Variants in JARID2 observed in about 807,000 individuals in gnomAD.
The protein encoded by JARID2 is protein Jumonji.
Under a neutral mutation model 125.6 loss-of-function variants are expected in JARID2, and 21 were observed. That is an observed-to-expected ratio of 0.17 (90% CI 0.12 to 0.24). The LOEUF is 0.24. JARID2 is among the 10% of genes least tolerant of loss of function. JARID2 has a pLI of 1.00. For missense variants in JARID2, 1,303 were observed against 1,639.6 expected (o/e 0.79, Z 3.55); for synonymous variants, 736 against 661.6 (o/e 1.11, Z -1.73).
intron 3 of JARID2, among the ~76,000 whole-genome samples, chr6:15,413,926 G>A (rs1235973932): frequency 3.3e-5 from 5 of 152,160 alleles, no homozygotes. Flanking sequence ...AACTTTGGGG[G>A]CCACATTCAG....
At position 15,501,319 on chromosome 6, in the gene JARID2, G is replaced by C; in HGVS notation, c.2358G>C (p.Arg786=). 6.2e-7 allele frequency: 1 copy of C among 1,609,508 alleles called. No individual in the cohort carries two copies. Among genetic ancestry groups the C allele is most frequent in the East Asian group, 2.2e-5 (1 of 44,792 alleles). The change falls in exon 8 of 18, where the codon CGG becomes CGC. Residue 786 remains arginine (R), a synonymous_variant. Transcript: ENST00000341776. Reference sequence around the variant, plus strand: ...GCCAGGCCCAGTTGAAGACTGGCCGGCGGCGACTCTTCGCTCAGGAAAAAG... The same window carrying C: ...GCCAGGCCCAGTTGAAGACTGGCCGCCGGCGACTCTTCGCTCAGGAAAAAG... ...EVGQAQLKTG[R]RRLFAQEKEV...
intron 1 of JARID2, among the ~76,000 whole-genome samples, chr6:15,336,384 T>C (rs1165457352): frequency 6.6e-6 from 1 of 152,276 alleles, no homozygotes; most frequent in African/African-American, 2.4e-5. Context: ...TGGCTTTTCA[T>C]GTTTTGGAAT....
At chr6:15,253,575 C>T (rs539610531) in intron 1 of JARID2, among the ~76,000 whole-genome samples, 25 of 151,876 alleles carry the variant, frequency 1.6e-4, no homozygotes, top group South Asian at 8.3e-4. Context: ...ATCATTCCTG[C>T]GTGAGCAGCG....
At chr6:15,453,591 A>T (rs1316856150) in intron 4 of JARID2, among the ~76,000 whole-genome samples, 1 of 152,210 alleles carries the variant, frequency 6.6e-6, no homozygotes, top group Non-Finnish European at 1.5e-5. Context: ...AAGAGAGGAT[A>T]TTCTTTGAAA....
At chr6:15,344,367 G>T (rs1581436274) in intron 1 of JARID2, among the ~76,000 whole-genome samples, 1 of 151,862 alleles carries the variant, frequency 6.6e-6, no homozygotes, top group Non-Finnish European at 1.5e-5. Flanking sequence ...GGGATGTGGA[G>T]TGTGTGTGGC....
chr6:15,379,950 A>G (rs1349896976), intron 2 of JARID2, among the ~76,000 whole-genome samples: 5 of 152,186 alleles, frequency 3.3e-5, no homozygotes, highest in African/African-American at 9.7e-5. Context: ...GCATTCCAAA[A>G]ATAAGAATTT....
At chr6:15,479,535 A>G (rs572219980) in intron 5 of JARID2, among the ~76,000 whole-genome samples, 2 of 152,358 alleles carry the variant, frequency 1.3e-5, no homozygotes, top group South Asian at 2.1e-4. Context: ...AAGTTCTTCT[A>G]TAGAAAAGGA....
intron 1 of JARID2, among the ~76,000 whole-genome samples, chr6:15,325,819 G>A (rs1762517079): frequency 6.6e-6 from 1 of 152,132 alleles, no homozygotes; most frequent in Non-Finnish European, 1.5e-5. Context: ...GGGCTTTCCA[G>A]ATACTACATG....
intron 1 of JARID2, among the ~76,000 whole-genome samples, chr6:15,346,845 C>T (rs2127475782): frequency 6.6e-6 from 1 of 151,866 alleles, no homozygotes; most frequent in South Asian, 2.1e-4. Context: ...AAGCAGTGCT[C>T]CTTCCTCTGC....
Position 15,249,019 on chromosome 6 carries a change from A to G in JARID2, c.45+2435A>G, listed in dbSNP as rs187286191. On this transcript the variant is annotated intron_variant, in intron 1 of 17. Transcript: ENST00000341776. ...AGGAGTGCCACTGGACCCTGTTCTGATGCCACTTGGGAAGCGGGGAGCGGG... is the reference window on the plus strand; with the variant it reads ...AGGAGTGCCACTGGACCCTGTTCTGGTGCCACTTGGGAAGCGGGGAGCGGG... 1.0e-3 allele frequency: 937 copies of G among 926,614 alleles called. 1 individual carries two copies. In the African/African-American group the frequency reaches 0.011, roughly 11 times the overall value. The allele number at this position is 926,614 out of a possible 1,614,324, so 57.4% of individuals were successfully genotyped here. A position where few individuals can be genotyped will look rare whatever the true frequency, so the allele number is the denominator to read the frequency against.
chr6:15,271,377 G>T (rs761814485), intron 1 of JARID2, among the ~76,000 whole-genome samples: 4 of 152,170 alleles, frequency 2.6e-5, no homozygotes, highest in African/African-American at 4.8e-5. Flanking sequence ...GCAAGACTTT[G>T]GGACTGATTT....
Position 15,501,082 on chromosome 6 carries a change from C to G in JARID2, c.2121C>G (p.Ser707=). 6.2e-7 allele frequency: 1 copy of G among 1,614,064 alleles called. No homozygotes were observed. Among genetic ancestry groups the G allele is most frequent in the Non-Finnish European group, 8.5e-7 (1 of 1,179,934 alleles). Residue 707 remains serine (S), a synonymous_variant, in exon 8 of 18, where the codon TCC becomes TCG. Coordinates refer to ENST00000341776, the MANE Select transcript of JARID2 (RefSeq NM_004973.4). ...AGGCCTACTGCCAGTACCTACTCTC[C>G]TACGACTCCCTGTCCCCAGAGGAGC... The part of the protein sequence containing the change: ...LQEAYCQYLL[S]YDSLSPEEHR...
chr6:15,302,279 GGTGGC>G (rs1196648330), intron 1 of JARID2, among the ~76,000 whole-genome samples: 1 of 152,100 alleles, frequency 6.6e-6, no homozygotes, highest in Non-Finnish European at 1.5e-5. Context: ...AGTTGGGCGT[GGTGGC>G]GTGCGCCTGT....
intron 1 of JARID2, among the ~76,000 whole-genome samples, chr6:15,355,433 ATAATAC>A (rs1352890179): frequency 1.3e-5 from 2 of 151,692 alleles, no homozygotes; most frequent in African/African-American, 4.8e-5. Context: ...TAAAATACTA[ATAATAC>A]TAATAATTAT....
chr6:15,360,015 T>A (rs1424716448), intron 1 of JARID2, among the ~76,000 whole-genome samples: 4 of 152,156 alleles, frequency 2.6e-5, no homozygotes, highest in Non-Finnish European at 5.9e-5. Flanking sequence ...TCCTCCACTG[T>A]TACATTAGCA....
chr6:15,369,012 C>G (rs889066919), intron 1 of JARID2, among the ~76,000 whole-genome samples: 2 of 151,420 alleles, frequency 1.3e-5, no homozygotes, highest in Non-Finnish European at 2.9e-5. Flanking sequence ...CTTGGAGTTG[C>G]AACACTATGG....
chr6:15,493,779 G>A (rs961409015), intron 6 of JARID2, among the ~76,000 whole-genome samples: 7 of 151,316 alleles, frequency 4.6e-5, no homozygotes, highest in African/African-American at 1.5e-4. Context: ...GGAAGCATTT[G>A]AAAGAACAAT....
intron 2 of JARID2, among the ~76,000 whole-genome samples, chr6:15,409,950 A>T (rs144037883): frequency 6.6e-6 from 1 of 152,310 alleles, no homozygotes; most frequent in Non-Finnish European, 1.5e-5. Flanking sequence ...ACTCTTTAAA[A>T]ACGAATCCTG....
chr6:15,286,238 T>G (rs948976385), intron 1 of JARID2, among the ~76,000 whole-genome samples: 2 of 151,728 alleles, frequency 1.3e-5, no homozygotes, highest in African/African-American at 4.9e-5. Context: ...CAATCTAATT[T>G]TATAATTGGA....
Sources: allele counts gnomAD v4.1 joint callset (sites outside exome capture counted in the v4.1 genomes callset), GRCh38; gene constraint gnomAD v4.1.1; transcripts MANE v1.5; gene names NCBI Gene and HGNC (gene_info 2026-07-23, HGNC 2026-07-21).